Variants in ABL2 observed in about 807,000 individuals in gnomAD.
ABL2 encodes tyrosine-protein kinase ABL2.
A neutral mutation model predicts 107.7 loss-of-function variants in ABL2; 49 were observed. The observed-to-expected ratio is 0.45, with a 90% CI of 0.36 to 0.58. The LOEUF is 0.58. Ranked by LOEUF, ABL2 falls within the 20% of genes least tolerant of loss-of-function variation. ABL2 has a pLI of 0.00. For missense variants in ABL2, 1,245 were observed against 1,457.0 expected, an observed-to-expected ratio of 0.85 and a Z score of 2.37; for synonymous variants, 549 against 548.6, an observed-to-expected ratio of 1.00 and a Z score of -0.01.
In ABL2 at chr1:179,104,231, A is replaced by T. The variant is rs116048422; in HGVS notation, c.*3487T>A. On this transcript the variant is annotated 3_prime_UTR_variant, in exon 12 of 12. Coordinates refer to ENST00000502732, the MANE Select transcript of ABL2 (RefSeq NM_007314.4). The stretch of plus-strand genomic sequence containing the variant: ...CAACCCTGAGGTAGTTACTATTATT[A>T]TCCCTGTTTTACAGTGAGGAAACTG... The T allele has an allele frequency of 1.8e-3, 413 of 230,102 alleles. 5 individuals are homozygous for T. The highest frequency in any genetic ancestry group is 8.8e-3 in the African/African-American group (397 of 45,258). 14.3% of individuals were successfully genotyped at this position (230,102 alleles called of 1,614,324 possible). A position where few individuals can be genotyped will look rare whatever the true frequency, so the allele number is the denominator to read the frequency against.
intron 1 of ABL2, among the ~76,000 whole-genome samples, chr1:179,196,891 G>A (rs2102833512): frequency 6.6e-6 from 1 of 151,712 alleles, no homozygotes; most frequent in African/African-American, 2.4e-5. Context: ...AGATTTTAAA[G>A]AGAATCAAAC....
At chr1:179,152,490 GCTCA>G (rs1658419341) in intron 1 of ABL2, among the ~76,000 whole-genome samples, 1 of 152,136 alleles carries the variant, frequency 6.6e-6, no homozygotes, top group East Asian at 1.9e-4. Flanking sequence ...CCTTAATCCA[GCTCA>G]CTGAGTTTTT....
In ABL2 at chr1:179,198,991, A is replaced by G. The variant is rs556263923; in HGVS notation, c.157+30250T>C. Among the ~76,000 whole-genome samples the G allele has an allele frequency of 2.0e-5, 3 of 151,846 alleles. No individual in the cohort carries two copies. In the East Asian group the frequency reaches 5.9e-4, roughly 30 times the overall value. ...CTAGTAGCTGGGATTACAGGCACAC[A>G]CCACCATGCCCAGCTAATGTTTGTA... On this transcript the variant is annotated intron_variant, in intron 1 of 11. Coordinates refer to ENST00000502732, the MANE Select transcript of ABL2 (RefSeq NM_007314.4).
intron 10 of ABL2, chr1:179,110,676 T>C (rs1653967485): frequency 1.3e-6 from 2 of 1,572,206 alleles, no homozygotes; most frequent in African/African-American, 1.3e-5. Flanking sequence ...TTCTCATTGC[T>C]GTGTAGCATG....
intron 1 of ABL2, among the ~76,000 whole-genome samples, chr1:179,188,063 A>C (rs1328239882): frequency 6.6e-6 from 1 of 152,172 alleles, no homozygotes; most frequent in African/African-American, 2.4e-5. Context: ...TTCTCCAGCC[A>C]GTCTAGCCTC....
chr1:179,109,332 G>T lies in ABL2; in HGVS notation c.1935C>A (p.Thr645=). 6.2e-7 allele frequency: 1 copy of T among 1,614,052 alleles called. No individual in the cohort carries two copies. The highest frequency in any genetic ancestry group is 8.5e-7 in the Non-Finnish European group (1 of 1,180,018). ...LLEDAKETCF[T]RDRKGGFFSS... ...TGAAGAAGCCCCCCTTCCTATCCCT[G>T]GTGAAGCATGTCTCTTTGGCATCTT... Residue 645 remains threonine (T), a synonymous_variant, in exon 12 of 12, where the codon ACC becomes ACA. Transcript: ENST00000502732.
At chr1:179,133,510 C>T (rs2102673904) in intron 1 of ABL2, 136 bp from the exon 2 acceptor site, 1 of 1,368,846 alleles carries the variant, frequency 7.3e-7, no homozygotes, top group East Asian at 2.3e-5. Flanking sequence ...AGCTTCGCCT[C>T]TCCCTACTCC....
At chr1:179,147,683 A>G (rs1243885043) in intron 1 of ABL2, among the ~76,000 whole-genome samples, 1 of 152,184 alleles carries the variant, frequency 6.6e-6, no homozygotes, top group African/African-American at 2.4e-5. Flanking sequence ...GGACATACCG[A>G]ATGGAATAAT....
intron 1 of ABL2, among the ~76,000 whole-genome samples, chr1:179,195,250 T>C (rs922053124): frequency 6.6e-6 from 1 of 152,036 alleles, no homozygotes. Flanking sequence ...ATCGCACCAC[T>C]GCACTCCAGC....
intron 1 of ABL2, among the ~76,000 whole-genome samples, chr1:179,193,366 T>C (rs1038896349): frequency 3.3e-5 from 5 of 152,054 alleles, no homozygotes; most frequent in Admixed American, 3.3e-4. Context: ...TGTCTGCTTT[T>C]TTTTTTTTCA....
intron 1 of ABL2, among the ~76,000 whole-genome samples, chr1:179,156,521 CAAG>C (rs1658698791): frequency 1.3e-5 from 2 of 152,312 alleles, no homozygotes; most frequent in South Asian, 4.1e-4. Context: ...CAGCTTCAAA[CAAG>C]ACTATCATGG....
chr1:179,193,801 G>A (rs191155231), intron 1 of ABL2, among the ~76,000 whole-genome samples: 79 of 152,078 alleles, frequency 5.2e-4, no homozygotes, highest in African/African-American at 1.2e-3. Context: ...GCGCGATCTC[G>A]GCTCACTGCA....
rs1653247374 is a variant in ABL2, at chr1:179,103,224, A to C, written c.*4494T>G. The C allele has an allele frequency of 4.8e-6, 1 of 210,198 alleles. No homozygotes were observed. The allele number at this position is 210,198 out of a possible 1,614,324, so 13.0% of individuals were successfully genotyped here. A position where few individuals can be genotyped will look rare whatever the true frequency, so the allele number is the denominator to read the frequency against. On this transcript the variant is annotated 3_prime_UTR_variant, in exon 12 of 12. Coordinates refer to ENST00000502732, the MANE Select transcript of ABL2 (RefSeq NM_007314.4). ...TAATTCAGCTCTGAACTACAACTTT[A>C]GCAAACACTTGCTATACCTGCTCAT...
At chr1:179,214,882 G>C (rs1000319448) in intron 1 of ABL2, among the ~76,000 whole-genome samples, 4 of 152,086 alleles carry the variant, frequency 2.6e-5, no homozygotes, top group Non-Finnish European at 5.9e-5. Context: ...ATTGTGGGTC[G>C]GGCACAGTAG....
chr1:179,169,759 G>A (rs1230052457), intron 1 of ABL2, among the ~76,000 whole-genome samples: 1 of 152,040 alleles, frequency 6.6e-6, no homozygotes, highest in Non-Finnish European at 1.5e-5. Flanking sequence ...TTTAAAGAAT[G>A]TAGGGCTGAC....
intron 1 of ABL2, among the ~76,000 whole-genome samples, chr1:179,208,508 A>G (rs1662102866): frequency 6.6e-6 from 1 of 152,150 alleles, no homozygotes; most frequent in Admixed American, 6.6e-5. Flanking sequence ...CTGCATGTAT[A>G]CATTTGCTTT....
In ABL2 at chr1:179,179,632, T is replaced by C. The variant is rs574482093; in HGVS notation, c.158-46258A>G. On this transcript the variant is annotated intron_variant, in intron 1 of 11. Transcript: ENST00000502732. Reference sequence around the variant, plus strand: ...AGAGATATGGCCTGAATGTTTTTGGTATCATAGAGCAAGAGTGTCTACTAG... The same window carrying C: ...AGAGATATGGCCTGAATGTTTTTGGCATCATAGAGCAAGAGTGTCTACTAG... 5.9e-5 allele frequency among the ~76,000 whole-genome samples: 9 copies of C among 152,146 alleles called. No homozygotes were observed. In the South Asian group the frequency reaches 1.9e-3, roughly 32 times the overall value.
chr1:179,139,674 CACAGACAGG>C (rs1215438038), intron 1 of ABL2, among the ~76,000 whole-genome samples: 1 of 152,142 alleles, frequency 6.6e-6, no homozygotes, highest in East Asian at 1.9e-4. Flanking sequence ...ACCCCTGGGC[CACAGACAGG>C]TCTGTGGCCT....
intron 1 of ABL2, among the ~76,000 whole-genome samples, chr1:179,228,292 A>G (rs1482105768): frequency 6.6e-6 from 1 of 152,066 alleles, no homozygotes; most frequent in Admixed American, 6.6e-5. Flanking sequence ...GATTGCAGTG[A>G]GCCGACATCC....
Sources: allele counts gnomAD v4.1 joint callset (sites outside exome capture counted in the v4.1 genomes callset), GRCh38; gene constraint gnomAD v4.1.1; transcripts MANE v1.5; gene names NCBI Gene and HGNC (gene_info 2026-07-23, HGNC 2026-07-21).